Variants in DPP10 observed in about 807,000 individuals in gnomAD.
DPP10 encodes inactive dipeptidyl peptidase 10.
DPP10 carries 33 observed loss-of-function variants against 120.9 expected under a neutral mutation model. The observed-to-expected ratio is 0.27, with a 90% CI of 0.21 to 0.37. DPP10 has a LOEUF of 0.37. Ranked by LOEUF, DPP10 falls within the 10% of genes least tolerant of loss-of-function variation. The pLI, the probability that DPP10 is intolerant of heterozygous loss-of-function variation, is 1.00. For synonymous variants in DPP10, 337 were observed against 326.1 expected, an observed-to-expected ratio of 1.03 and a Z score of -0.36; for missense variants, 816 against 942.8, an observed-to-expected ratio of 0.87 and a Z score of 1.76.
intron 1 of DPP10, among the ~76,000 whole-genome samples, chr2:114,988,876 A>G (rs908054169): frequency 2.0e-5 from 3 of 152,196 alleles, no homozygotes; most frequent in Non-Finnish European, 1.5e-5. Context: ...CTTATTTTCA[A>G]TGGCAAGTAA....
At chr2:114,798,524 C>A (rs897430448) in intron 1 of DPP10, among the ~76,000 whole-genome samples, 15 of 152,100 alleles carry the variant, frequency 9.9e-5, no homozygotes, top group African/African-American at 2.7e-4. Context: ...CTTACCCATA[C>A]TGAGAATAAG....
chr2:115,479,037 T>A (rs935513597), intron 3 of DPP10, among the ~76,000 whole-genome samples: 14 of 152,300 alleles, frequency 9.2e-5, no homozygotes, highest in African/African-American at 3.4e-4. Context: ...GTATGATCTA[T>A]AAATTATTCT....
chr2:115,434,120 GGTA>G (rs2071259419), intron 3 of DPP10, among the ~76,000 whole-genome samples: 1 of 151,854 alleles, frequency 6.6e-6, no homozygotes, highest in African/African-American at 2.4e-5. Flanking sequence ...GAGTAATGGT[GGTA>G]GTATAATTTA....
chr2:115,606,947 A>C (rs1466151524), intron 5 of DPP10, among the ~76,000 whole-genome samples: 2 of 152,334 alleles, frequency 1.3e-5, no homozygotes, highest in South Asian at 2.1e-4. Context: ...CTTGATGAGA[A>C]GCAGTCAAAT....
chr2:114,955,812 T>C (rs1244058064), intron 1 of DPP10, among the ~76,000 whole-genome samples: 2 of 152,324 alleles, frequency 1.3e-5, no homozygotes, highest in East Asian at 3.9e-4. Context: ...ATGAATTTGA[T>C]ACATTGTGTT....
chr2:114,945,758 G>T (rs191105034), intron 1 of DPP10, among the ~76,000 whole-genome samples: 17 of 152,188 alleles, frequency 1.1e-4, no homozygotes, highest in Admixed American at 8.5e-4. Flanking sequence ...AGAGATTACA[G>T]TGAGCCGAGA....
chr2:115,791,012 T>C, intron 17 of DPP10, 69 bp from the exon 18 acceptor site: 1 of 1,096,892 alleles, frequency 9.1e-7, no homozygotes, highest in South Asian at 1.5e-5. Context: ...GATAATTTTT[T>C]GTTGTGTCAC....
At chr2:115,521,479 G>T (rs967544801) in intron 4 of DPP10, among the ~76,000 whole-genome samples, 1 of 152,056 alleles carries the variant, frequency 6.6e-6, no homozygotes, top group Non-Finnish European at 1.5e-5. Flanking sequence ...CTCAAAATAT[G>T]CCTGTTTTTC....
At chr2:115,834,346 C>A (rs1394347116) in intron 21 of DPP10, among the ~76,000 whole-genome samples, 2 of 152,156 alleles carry the variant, frequency 1.3e-5, no homozygotes, top group Non-Finnish European at 2.9e-5. Flanking sequence ...CAAAAGTAGA[C>A]TTCATCATGA....
chr2:115,248,752 AAAGTGTAAGCAATATGAT>A (rs1234691016), intron 1 of DPP10, among the ~76,000 whole-genome samples: 1 of 152,172 alleles, frequency 6.6e-6, no homozygotes, highest in Non-Finnish European at 1.5e-5. Flanking sequence ...GCTAAAATCA[AAAGTGTAAGCAATATGAT>A]AATTCTTAAT....
At chr2:114,931,802 C>T (rs765617359) in intron 1 of DPP10, among the ~76,000 whole-genome samples, 1 of 152,204 alleles carries the variant, frequency 6.6e-6, no homozygotes, top group Non-Finnish European at 1.5e-5. Context: ...ATAGCTGCAT[C>T]AGTTAAGGTT....
At chr2:115,071,256 A>G (rs1454989461) in intron 1 of DPP10, among the ~76,000 whole-genome samples, 1 of 151,694 alleles carries the variant, frequency 6.6e-6, no homozygotes. Flanking sequence ...TCTTTGTTCT[A>G]TACTCTTTTT....
intron 7 of DPP10, among the ~76,000 whole-genome samples, chr2:115,701,487 A>G (rs1175147458): frequency 5.3e-5 from 8 of 152,150 alleles, no homozygotes; most frequent in Non-Finnish European, 1.2e-4. Flanking sequence ...AACTTTTAGA[A>G]GAAAATATAA....
intron 3 of DPP10, among the ~76,000 whole-genome samples, chr2:115,369,978 C>A (rs1469538413): frequency 6.6e-6 from 1 of 151,932 alleles, no homozygotes; most frequent in Non-Finnish European, 1.5e-5. Context: ...TTTGACTGTA[C>A]AAAAACTTGG....
At chr2:114,568,868 T>G in intron 1 of DPP10, among the ~76,000 whole-genome samples, 1 of 152,202 alleles carries the variant, frequency 6.6e-6, no homozygotes, top group Non-Finnish European at 1.5e-5. Context: ...TTTTGGTCCC[T>G]TCACTTCAGC....
At chr2:114,784,301 C>A (rs778107127) in intron 1 of DPP10, among the ~76,000 whole-genome samples, 2 of 152,104 alleles carry the variant, frequency 1.3e-5, no homozygotes, top group Non-Finnish European at 2.9e-5. Context: ...CAAGGTCACC[C>A]TATTTGTAAG....
chr2:115,711,347 G>C (rs1031979704), intron 7 of DPP10, among the ~76,000 whole-genome samples: 6 of 152,062 alleles, frequency 3.9e-5, no homozygotes, highest in African/African-American at 1.4e-4. Context: ...GAAAAATGAG[G>C]GATACACATA....
At chr2:115,588,590 A>G (rs545884968) in intron 5 of DPP10, among the ~76,000 whole-genome samples, 27 of 152,346 alleles carry the variant, frequency 1.8e-4, no homozygotes, top group African/African-American at 5.8e-4. Flanking sequence ...GCCACATGGA[A>G]TCATGTGTTG....
chr2:115,235,396 G>T (rs908955836), intron 1 of DPP10, among the ~76,000 whole-genome samples: 4 of 152,080 alleles, frequency 2.6e-5, no homozygotes, highest in South Asian at 4.1e-4. Context: ...AAAACTAAAA[G>T]AACTAAAGAT....
Sources: gnomAD v4.1 joint callset for allele counts (sites outside exome capture counted in the v4.1 genomes callset) on GRCh38, gnomAD v4.1.1 for gene constraint, MANE v1.5 for transcripts, NCBI Gene and HGNC (gene_info 2026-07-23, HGNC 2026-07-21) for gene names.